The following GMEB1 variants were observed in gnomAD, a reference collection of about 807,000 sequenced individuals.
GMEB1 encodes the protein glucocorticoid modulatory element-binding protein 1.
Under a neutral mutation model 52.4 loss-of-function variants are expected in GMEB1, and 6 were observed. That is an observed-to-expected ratio of 0.11 (90% CI 0.06 to 0.23). GMEB1 has a LOEUF of 0.23. Among genes scored for constraint, GMEB1 ranks in the 10% least tolerant of loss-of-function variants. The pLI, the probability that GMEB1 is intolerant of heterozygous loss-of-function variation, is 1.00. For synonymous variants in GMEB1, 255 were observed against 244.9 expected, an observed-to-expected ratio of 1.04 and a Z score of -0.38; for missense variants, 486 against 685.6, an observed-to-expected ratio of 0.71 and a Z score of 3.25.
intron 9 of GMEB1, 114 bp downstream of exon 9, chr1:28,710,756 T>TAA (rs1671020449): frequency 6.0e-6 from 4 of 669,764 alleles, no homozygotes; most frequent in Non-Finnish European, 8.8e-6. Context: ...GTATCAGATT[T>TAA]TGCTTTTAAA....
chr1:28,669,109 C>T (rs1668755096), intron 1 of GMEB1, among the ~76,000 whole-genome samples: 1 of 146,704 alleles, frequency 6.8e-6, no homozygotes, highest in Non-Finnish European at 1.5e-5. Flanking sequence ...GCCGCGCCGC[C>T]GGGGCTCGGG....
At chr1:28,673,707 G>A (rs761087085) in intron 1 of GMEB1, among the ~76,000 whole-genome samples, 4 of 152,102 alleles carry the variant, frequency 2.6e-5, no homozygotes, top group Admixed American at 6.6e-5. Flanking sequence ...TCAAAGTGTT[G>A]TTTTTGTCTT....
rs145060297 is a variant in GMEB1, at chr1:28,696,942, C to T, written c.456C>T (p.Ser152=). ...CTTTGCACAGGAAAATGATGGACTC[C>T]GGACAGATTGATTTTTACCAACATG... ...GGIMLRKMMD[S]GQIDFYQHDK... Residue 152 remains serine (S), a synonymous_variant, in exon 6 of 10, where the codon TCC becomes TCT. Transcript: ENST00000373816. The T allele has an allele frequency of 2.2e-5, 35 of 1,610,080 alleles. No homozygotes were observed. The highest frequency in any genetic ancestry group is 1.3e-4 in the East Asian group (6 of 44,736).
chr1:28,671,108 T>C (rs973285121), intron 1 of GMEB1, among the ~76,000 whole-genome samples: 1 of 152,176 alleles, frequency 6.6e-6, no homozygotes, highest in Non-Finnish European at 1.5e-5. Context: ...AATTTACTTG[T>C]TGACCTCATT....
At chr1:28,704,065 T>A in intron 7 of GMEB1, 127 bp from the exon 8 acceptor site, 1 of 899,394 alleles carries the variant, frequency 1.1e-6, no homozygotes, top group East Asian at 2.7e-5. Flanking sequence ...TATTCCCTTT[T>A]TTCAGGAATG....
intron 1 of GMEB1, among the ~76,000 whole-genome samples, chr1:28,669,320 C>T (rs1570367354): frequency 6.6e-6 from 1 of 151,972 alleles, no homozygotes; most frequent in Non-Finnish European, 1.5e-5. Flanking sequence ...CGGGGAGCAC[C>T]GGGCCCTTGG....
intron 1 of GMEB1, among the ~76,000 whole-genome samples, chr1:28,678,641 CAG>C (rs1381452163): frequency 6.6e-6 from 1 of 151,934 alleles, no homozygotes; most frequent in African/African-American, 2.4e-5. Context: ...TATTTTGAGG[CAG>C]ACTCTTGCTT....
Position 28,682,601 on chromosome 1 carries a change from C to CT in GMEB1, c.-30-982_-30-981insT, listed in dbSNP as rs377137547. Among the ~76,000 whole-genome samples, 357 of 129,702 alleles carry CT rather than the reference C, an allele frequency of 2.8e-3. 1 individual carries two copies. Among genetic ancestry groups the CT allele is most frequent in the African/African-American group, 0.01 (342 of 33,244 alleles). 85.1% of individuals were successfully genotyped at this position (129,702 alleles called of 152,430 possible). A position where few individuals can be genotyped will look rare whatever the true frequency, so the allele number is the denominator to read the frequency against. On this transcript the variant is annotated intron_variant, in intron 1 of 9. Transcript: ENST00000373816. ...CATGCCACAGCACTCGTCTGGGCGA[C>CT]AGAGTGAGACCCTGTCTCAAAAAAA... is the stretch of plus-strand genomic sequence containing the variant.
intron 9 of GMEB1, among the ~76,000 whole-genome samples, chr1:28,711,758 T>C (rs1671071427): frequency 6.6e-6 from 1 of 152,210 alleles, no homozygotes. Context: ...CTCAGCCCTA[T>C]TAGTATTTTT....
chr1:28,676,465 C>T (rs576638393), intron 1 of GMEB1, among the ~76,000 whole-genome samples: 1 of 152,164 alleles, frequency 6.6e-6, no homozygotes, highest in Non-Finnish European at 1.5e-5. Context: ...TGGTGGCTCA[C>T]GCCTGTAATC....
At chr1:28,708,566 A>G (rs553151403) in intron 8 of GMEB1, among the ~76,000 whole-genome samples, 1 of 152,140 alleles carries the variant, frequency 6.6e-6, no homozygotes, top group Admixed American at 6.6e-5. Flanking sequence ...GGTTCAAGCA[A>G]TCCTCCTGCT....
chr1:28,714,070 T>C lies in GMEB1; in HGVS notation c.992-3T>C. 1.9e-6 allele frequency: 3 copies of C among 1,599,060 alleles called. No homozygotes were observed. Among genetic ancestry groups the C allele is most frequent in the South Asian group, 2.2e-5 (2 of 90,506 alleles). On this transcript the variant is annotated splice_region_variant and splice_polypyrimidine_tract_variant and intron_variant, in intron 9 of 9. Transcript: ENST00000373816. The stretch of plus-strand genomic sequence containing the variant: ...ACACAAAGTCTTTTCTTTTTTTCCA[T>C]AGACTTGGAACGCCAGTTGGAGGAG...
Position 28,687,377 on chromosome 1 carries a change from C to CAAAA in GMEB1, c.129-2726_129-2725insAAAA, listed in dbSNP as rs1260455703. On this transcript the variant is annotated intron_variant, in intron 2 of 9. Transcript: ENST00000373816. The stretch of plus-strand genomic sequence containing the variant: ...ACACACACACACACACACACACACA[C>CAAAA]ACACACACACAAAAAAAGACAGTGG... 2.0e-3 allele frequency among the ~76,000 whole-genome samples: 30 copies of CAAAA among 14,786 alleles called. 1 individual carries two copies. Among genetic ancestry groups the CAAAA allele is most frequent in the Middle Eastern group, 0.023 (1 of 44 alleles). The allele number at this position is 14,786 out of a possible 152,430, so 9.7% of individuals were successfully genotyped here.
At position 28,715,084 on chromosome 1, in the gene GMEB1, G is replaced by A. The variant is rs1282887997; in HGVS notation, c.*311G>A. The A allele has an allele frequency of 3.0e-5, 9 of 300,076 alleles. No homozygotes were observed. Among genetic ancestry groups the A allele is most frequent in the Non-Finnish European group, 4.4e-5 (7 of 158,952 alleles). The allele number at this position is 300,076 out of a possible 1,614,324, so 18.6% of individuals were successfully genotyped here. A position where few individuals can be genotyped will look rare whatever the true frequency, so the allele number is the denominator to read the frequency against. On this transcript the variant is annotated 3_prime_UTR_variant, in exon 10 of 10. Transcript: ENST00000373816. The stretch of plus-strand genomic sequence containing the variant: ...TGTCCAGAAAGCCATTTCCAGGCTC[G>A]TCTGTGTGTGTAGGCATGTGGTTTT...
At chr1:28,686,986 G>T (rs559225609) in intron 2 of GMEB1, among the ~76,000 whole-genome samples, 1 of 152,120 alleles carries the variant, frequency 6.6e-6, no homozygotes, top group South Asian at 2.1e-4. Flanking sequence ...GGAAGTAAGT[G>T]ATTATATTGA....
At chr1:28,705,942 C>T (rs908122437) in intron 8 of GMEB1, among the ~76,000 whole-genome samples, 5 of 146,900 alleles carry the variant, frequency 3.4e-5, no homozygotes, top group African/African-American at 5.0e-5. Context: ...ATCACGAGGT[C>T]AGGAGATCGA....
At chr1:28,675,128 C>T (rs1669091159) in intron 1 of GMEB1, among the ~76,000 whole-genome samples, 1 of 151,274 alleles carries the variant, frequency 6.6e-6, no homozygotes, top group South Asian at 2.1e-4. Context: ...CGCCATTCTC[C>T]TGCCTCAGCC....
rs772064148 is a variant in GMEB1, at chr1:28,707,900, AT to A, written c.869-2605del. 3.0e-3 allele frequency among the ~76,000 whole-genome samples: 436 copies of A among 143,914 alleles called. 1 individual carries two copies. The highest frequency in any genetic ancestry group is 0.011 in the Middle Eastern group (3 of 284). The allele number at this position is 143,914 out of a possible 152,430, so 94.4% of individuals were successfully genotyped here. ...GAAGCAATTAACACAAATACTGACA[AT>A]TTTTTTTTTTTTTTGGAGACAGGGT... On this transcript the variant is annotated intron_variant, in intron 8 of 9. Coordinates refer to ENST00000373816, the MANE Select transcript of GMEB1 (RefSeq NM_001319674.2).
At chr1:28,685,530 G>A (rs948425391) in intron 2 of GMEB1, among the ~76,000 whole-genome samples, 2 of 152,064 alleles carry the variant, frequency 1.3e-5, no homozygotes, top group Admixed American at 1.3e-4. Flanking sequence ...TGATTCGTAG[G>A]GAATGTCAAT....
Sources: gnomAD v4.1 joint callset for allele counts (sites outside exome capture counted in the v4.1 genomes callset) on GRCh38, gnomAD v4.1.1 for gene constraint, MANE v1.5 for transcripts, NCBI Gene and HGNC (gene_info 2026-07-23, HGNC 2026-07-21) for gene names.